CELA3A: variants seen among roughly 807,000 people sequenced by gnomAD.
CELA3A encodes chymotrypsin like elastase 3A.
In CELA3A, 35 loss-of-function variants were observed where a neutral mutation model predicts 38.6. The ratio of observed to expected loss-of-function variants is 0.91; its 90% CI spans 0.69 to 1.20. CELA3A has a LOEUF of 1.20. Ranked by LOEUF, CELA3A falls within the 50% of genes most tolerant of loss-of-function variation. The pLI is 0.00. For missense variants in CELA3A, 343 were observed against 354.2 expected (o/e 0.97, Z 0.25); for synonymous variants, 143 against 136.7 (o/e 1.05, Z -0.32).
chr1:22,009,841 T>C lies in CELA3A; in HGVS notation c.779T>C (p.Ile260Thr). 5 of 1,612,538 alleles carry C rather than the reference T, an allele frequency of 3.1e-6. No individual in the cohort carries two copies. The highest frequency in any genetic ancestry group is 4.2e-6 in the Non-Finnish European group (5 of 1,179,602). ...GTGTTCACTCGAGTCTCCGCCTTCA[T>C]CGACTGGATTGAGGAGGTGAGGAGG... Reference protein sequence around the residue: ...PTVFTRVSAFIDWIEETIASH With the variant: ...PTVFTRVSAFTDWIEETIASH The change falls in exon 7 of 8, where the codon ATC (isoleucine) becomes ACC (threonine). Residue 260 changes from isoleucine to threonine, a missense_variant. Transcript: ENST00000290122.
intron 6 of CELA3A, among the ~76,000 whole-genome samples, chr1:22,008,212 G>A (rs1194270086): frequency 5.0e-5 from 7 of 138,868 alleles, no homozygotes; most frequent in African/African-American, 1.9e-4. Context: ...GTGCAGTAAT[G>A]CCATCATAGC....
chr1:22,004,679 C>G (rs141291073), intron 2 of CELA3A, among the ~76,000 whole-genome samples: 2 of 150,806 alleles, frequency 1.3e-5, no homozygotes, highest in Non-Finnish European at 2.9e-5. Context: ...CCACAGTTTG[C>G]TAACCCTGGT....
chr1:22,003,636 G>A (rs1345889858), intron 2 of CELA3A, among the ~76,000 whole-genome samples: 1 of 150,368 alleles, frequency 6.7e-6, no homozygotes, highest in Non-Finnish European at 1.5e-5. Context: ...AGACAAGATT[G>A]CACCACTGCA....
rs1483402726 is a variant in CELA3A at position 22,004,808 on chromosome 1, G to C, written c.130-639G>C. On this transcript the variant is annotated intron_variant, in intron 2 of 7. Transcript: ENST00000290122. The stretch of plus-strand genomic sequence containing the variant: ...GCCTTGAAAGAGCTGAGGTTCAAAA[G>C]AGTCAGGGGGGCTGGGCGCGGTGGC... Among the ~76,000 whole-genome samples the C allele has an allele frequency of 7.3e-5, 11 of 151,214 alleles. No individual in the cohort carries two copies. The East Asian group carries it at 1.6e-3, about 22-fold the overall frequency.
chr1:22,006,322 A>G (rs1451502132), intron 4 of CELA3A, among the ~76,000 whole-genome samples: 1 of 151,054 alleles, frequency 6.6e-6, no homozygotes, highest in African/African-American at 2.5e-5. Flanking sequence ...GGGTGGTGTG[A>G]AGGCCAAGGA....
chr1:22,010,053 G>A, intron 7 of CELA3A, 196 bp downstream of exon 7: 1 of 770,276 alleles, frequency 1.3e-6, no homozygotes, highest in Non-Finnish European at 2.1e-6. Flanking sequence ...ATGGCTTCTG[G>A]GTGGTGCTTG....
intron 3 of CELA3A, 50 bp downstream of exon 3, chr1:22,005,594 G>C: frequency 6.2e-7 from 1 of 1,612,234 alleles, no homozygotes; most frequent in Non-Finnish European, 8.5e-7. Context: ...GCGGGGGAGA[G>C]TGGGTGATGA....
rs3820285 is a variant in CELA3A at position 22,009,784 on chromosome 1, C to G, written c.722C>G (p.Ala241Gly). The G allele has an allele frequency of 0.96, 1,550,549 of 1,611,676 alleles. 749,149 individuals are homozygous for G. Among genetic ancestry groups the G allele is most frequent in the Non-Finnish European group, 0.98 (1,151,451 of 1,179,322 alleles). Residue 241 changes from alanine (A) to glycine (G), a missense_variant, in exon 7 of 8, where the codon GCC (alanine) becomes GGC (glycine). Transcript: ENST00000290122. Reference sequence around the variant, plus strand: ...CACGGTGTGACCAGCTTTGTTTCTGCCTTTGGCTGCAACTTCATCTGGAAG... The same window carrying G: ...CACGGTGTGACCAGCTTTGTTTCTGGCTTTGGCTGCAACTTCATCTGGAAG... ...QVHGVTSFVS[A>G]FGCNFIWKPT...
Position 22,009,374 on chromosome 1 carries a change from T to A in CELA3A, c.643-331T>A, listed in dbSNP as rs562893822. ...GTGAGACTTCGTCTCTAATAAAAAATAAATAAATAAATAAACAAAAATTAG... is the reference window on the plus strand; with the variant it reads ...GTGAGACTTCGTCTCTAATAAAAAAAAAATAAATAAATAAACAAAAATTAG... On this transcript the variant is annotated intron_variant, in intron 6 of 7. Coordinates refer to ENST00000290122, the MANE Select transcript of CELA3A (RefSeq NM_005747.5). 1.5e-4 allele frequency among the ~76,000 whole-genome samples: 23 copies of A among 148,806 alleles called. 2 individuals are homozygous for A. The South Asian group carries it at 2.1e-3, about 14-fold the overall frequency.
chr1:22,006,651 A>G (rs61778018), intron 4 of CELA3A, among the ~76,000 whole-genome samples: 69,694 of 149,502 alleles, frequency 0.47, 20,117 homozygotes, highest in Middle Eastern at 0.71. Context: ...TTGGCCCAGG[A>G]GGCTGCAGTG....
Position 22,007,302 on chromosome 1 carries a change from A to G in CELA3A, c.500-71A>G, listed in dbSNP as rs1276565918. 22 of 1,533,078 alleles carry G rather than the reference A, an allele frequency of 1.4e-5. No homozygotes were observed. In the Admixed American group the frequency reaches 4.3e-4, roughly 30 times the overall value. The allele number at this position is 1,533,078 out of a possible 1,614,324, so 95.0% of individuals were successfully genotyped here. On this transcript the variant is annotated intron_variant, in intron 5 of 7. Coordinates refer to ENST00000290122, the MANE Select transcript of CELA3A (RefSeq NM_005747.5). ...AGGGCAGAAGAACTGTGGGCCTTGA[A>G]TGCCCCCTTCCTCTGGGGCACCTAG...
chr1:22,002,857 A>G, intron 1 of CELA3A, 146 bp from the exon 2 acceptor site: 3 of 698,414 alleles, frequency 4.3e-6, no homozygotes, highest in Middle Eastern at 2.7e-4. Flanking sequence ...TTCACTGTTC[A>G]TATGTGGTTA....
rs377267919 is a variant in CELA3A at position 22,007,698 on chromosome 1, C to G, written c.642+183C>G. ...AGCCCAGGCCTGGGAGTCAGGACCC[C>G]CGGGTTGCAGTCTCAGCTCACACAC... On this transcript the variant is annotated intron_variant, in intron 6 of 7. Coordinates refer to ENST00000290122, the MANE Select transcript of CELA3A (RefSeq NM_005747.5). 8.4e-4 allele frequency among the ~76,000 whole-genome samples: 127 copies of G among 151,120 alleles called. 4 individuals carry two copies. Among genetic ancestry groups the G allele is most frequent in the Middle Eastern group, 3.4e-3 (1 of 294 alleles).
At chr1:22,008,045 T>A (rs1644961641) in intron 6 of CELA3A, among the ~76,000 whole-genome samples, 1 of 150,888 alleles carries the variant, frequency 6.6e-6, no homozygotes, top group Admixed American at 6.6e-5. Context: ...TCCCAACTAC[T>A]TGATAGGCTG....
intron 1 of CELA3A, chr1:22,002,490 A>T (rs553179236): frequency 2.2e-6 from 1 of 453,870 alleles, no homozygotes; most frequent in Admixed American, 2.4e-5. Context: ...ATGCCACCAT[A>T]CCTGGCTACT....
chr1:22,008,279 C>T lies in CELA3A; in HGVS notation c.642+764C>T, dbSNP rs575946809. Among the ~76,000 whole-genome samples, 3 of 149,700 alleles carry T rather than the reference C, an allele frequency of 2.0e-5. No individual in the cohort carries two copies. In the South Asian group the frequency reaches 6.3e-4, roughly 31 times the overall value. On this transcript the variant is annotated intron_variant, in intron 6 of 7. Coordinates refer to ENST00000290122, the MANE Select transcript of CELA3A (RefSeq NM_005747.5). ...AACCCTCCAATGTCAGCCTCCCAAG[C>T]AGCCAGGAGTACAAGTGTGTGCCAC...
intron 6 of CELA3A, among the ~76,000 whole-genome samples, chr1:22,008,791 T>C (rs1230973902): frequency 2.0e-5 from 3 of 151,898 alleles, no homozygotes; most frequent in Admixed American, 6.5e-5. Context: ...AATACCCTCA[T>C]TGTATTGTAA....
intron 6 of CELA3A, among the ~76,000 whole-genome samples, chr1:22,007,889 T>C (rs1644960693): frequency 6.6e-6 from 1 of 151,164 alleles, no homozygotes; most frequent in South Asian, 2.1e-4. Context: ...CAGTCCCTCC[T>C]GCCTATAATC....
At chr1:22,003,151 G>A (rs1327741337) in intron 2 of CELA3A, 63 bp downstream of exon 2, 14 of 1,419,964 alleles carry the variant, frequency 9.9e-6, no homozygotes, top group Admixed American at 3.5e-5. Context: ...CTCTAATGGC[G>A]TGGCATCCAG....
Sources: gnomAD v4.1 joint callset for allele counts (sites outside exome capture counted in the v4.1 genomes callset) on GRCh38, gnomAD v4.1.1 for gene constraint, MANE v1.5 for transcripts, NCBI Gene and HGNC (gene_info 2026-07-23, HGNC 2026-07-21) for gene names.